KCTD19: variants seen among roughly 807,000 people sequenced by gnomAD.
The protein encoded by KCTD19 is potassium channel tetramerization domain containing 19, also known as BTB/POZ domain-containing protein KCTD19.
Under a neutral mutation model 103.5 loss-of-function variants are expected in KCTD19, and 67 were observed. That is an observed-to-expected ratio of 0.65 (90% CI 0.53 to 0.79). The LOEUF (loss-of-function observed/expected upper bound fraction) is 0.79. Among genes scored for constraint, KCTD19 ranks in the 30% least tolerant of loss-of-function variants. The pLI, the probability that KCTD19 is intolerant of heterozygous loss-of-function variation, is 0.00. For missense variants in KCTD19, 980 were observed against 1,136.1 expected (o/e 0.86, Z 1.98); for synonymous variants, 439 against 452.2 (o/e 0.97, Z 0.37).
intron 9 of KCTD19, 39 bp from the exon 10 acceptor site, chr16:67,295,095 A>G: frequency 1.3e-6 from 2 of 1,595,858 alleles, no homozygotes; most frequent in African/African-American, 1.3e-5. Context: ...GGCAGCTAGG[A>G]TGAGGGTGTG....
chr16:67,290,932 A>C lies in KCTD19; in HGVS notation c.2620T>G (p.Phe874Val). Residue 874 changes from phenylalanine (F) to valine (V), a missense_variant, in exon 15 of 16, where the codon TTC becomes GTC. By Grantham distance (50) the Phe-to-Val change is conservative. Coordinates refer to ENST00000304372, the MANE Select transcript of KCTD19 (RefSeq NM_001100915.3). Reference sequence around the variant, plus strand: ...TCCTGGGTGTGCCGGTCATCCTTGAAGCCGGTGATGGCCAGCAAATCTACC... The same window carrying C: ...TCCTGGGTGTGCCGGTCATCCTTGACGCCGGTGATGGCCAGCAAATCTACC... Reference protein sequence around the residue: ...FVVDLLAITGFKDDRHTQERL... With the variant: ...FVVDLLAITGVKDDRHTQERL... 1 of 1,614,094 alleles carries C rather than the reference A, an allele frequency of 6.2e-7. No homozygotes were observed.
In KCTD19 at chr16:67,323,510, G is replaced by A. The variant is rs375353457; in HGVS notation, c.4-2625C>T. Among the ~76,000 whole-genome samples, 8 of 152,260 alleles carry A rather than the reference G, an allele frequency of 5.3e-5. No individual in the cohort carries two copies. In the East Asian group the frequency reaches 1.5e-3, roughly 29 times the overall value. On this transcript the variant is annotated intron_variant, in intron 1 of 15. Transcript: ENST00000304372. This position sits in a 1 kb window ranked among gnomAD's most constrained non-coding sequence, Gnocchi z 4.1. ...TGCACTCCAGCCTGGGCGTCAGAGT[G>A]AGGCACGTCTCTAAAAAAATAAAAA...
At chr16:67,308,129 C>T (rs1419903294) in intron 2 of KCTD19, among the ~76,000 whole-genome samples, 8 of 150,010 alleles carry the variant, frequency 5.3e-5, no homozygotes, top group Non-Finnish European at 1.5e-5. Context: ...CTTCCTTCCT[C>T]CCTCCCTCCC....
chr16:67,293,641 C>T lies in KCTD19; in HGVS notation c.2121G>A (p.Ala707=), dbSNP rs143567769. The change falls in exon 12 of 16, where the codon GCG becomes GCA. Residue 707 remains alanine, a synonymous_variant. Coordinates refer to ENST00000304372, the MANE Select transcript of KCTD19 (RefSeq NM_001100915.3). This position sits in a 1 kb window ranked among gnomAD's most constrained non-coding sequence, Gnocchi z 4.0. ...AGGTTGGCTCTGGCCCCTTGTCTTT[C>T]GCTCCAGCTCCAGCCCCTGCCTGTG... ...PGPQAGAGAG[A]KDKGPEPTFK... 7.4e-6 allele frequency: 12 copies of T among 1,613,984 alleles called. No individual in the cohort carries two copies. Among genetic ancestry groups the T allele is most frequent in the Non-Finnish European group, 9.3e-6 (11 of 1,180,026 alleles).
intron 1 of KCTD19, among the ~76,000 whole-genome samples, chr16:67,325,170 TTTTC>T (rs965887232): frequency 9.2e-5 from 14 of 151,776 alleles, no homozygotes; most frequent in African/African-American, 2.4e-4. Context: ...TCAGTTCCTC[TTTTC>T]TTTCTTTCTT....
chr16:67,293,779 G>T lies in KCTD19; in HGVS notation c.1983C>A (p.Ser661Arg), dbSNP rs1411390141. The T allele has an allele frequency of 6.2e-6, 10 of 1,613,836 alleles. No individual in the cohort carries two copies. The highest frequency in any genetic ancestry group is 7.6e-6 in the Non-Finnish European group (9 of 1,180,022). The change falls in exon 12 of 16, where the codon AGC becomes AGA. Residue 661 changes from serine to arginine, a missense_variant. Transcript: ENST00000304372. The surrounding 1 kb of genome is among the most constrained non-coding windows in gnomAD (Gnocchi z 4.0). Reference protein sequence around the residue: ...EFQPLTATRSSPLEEATLQLP... With the variant: ...EFQPLTATRSRPLEEATLQLP... ...GCTGCAGGGTGGCCTCCTCCAAGGG[G>T]CTGCTCCGTGTGGCTGTCAGTGGCT...
At position 67,303,114 on chromosome 16, in the gene KCTD19, G is replaced by GC. The variant is rs749889065; in HGVS notation, c.643+31dup. The GC allele has an allele frequency of 7.3e-6, 8 of 1,097,030 alleles. No individual in the cohort carries two copies. Among genetic ancestry groups the GC allele is most frequent in the Non-Finnish European group, 9.0e-6 (7 of 782,086 alleles). The allele number at this position is 1,097,030 out of a possible 1,614,324, so 68.0% of individuals were successfully genotyped here. On this transcript the variant is annotated intron_variant, in intron 4 of 15. Coordinates refer to ENST00000304372, the MANE Select transcript of KCTD19 (RefSeq NM_001100915.3). This position sits in a 1 kb window ranked among gnomAD's most constrained non-coding sequence, Gnocchi z 4.3. ...AGGGGTGAATGGGCCCTATCAGCCC[G>GC]CCCCCCACCCCACCCCGGACAGAGC... is the stretch of plus-strand genomic sequence containing the variant.
rs987226974 is a variant in KCTD19 at position 67,293,105 on chromosome 16, A to T, written c.2218+439T>A. On this transcript the variant is annotated intron_variant, in intron 12 of 15. Coordinates refer to ENST00000304372, the MANE Select transcript of KCTD19 (RefSeq NM_001100915.3). This position sits in a 1 kb window ranked among gnomAD's most constrained non-coding sequence, Gnocchi z 4.0. The stretch of plus-strand genomic sequence containing the variant: ...AATCCTTCAGACGCTGCTCACTCCC[A>T]TCCTGGTCAGAATGGAGTACCACGT... Among the ~76,000 whole-genome samples the T allele has an allele frequency of 4.6e-5, 7 of 152,074 alleles. No individual in the cohort carries two copies. The highest frequency in any genetic ancestry group is 1.7e-4 in the African/African-American group (7 of 41,392).
Position 67,289,460 on chromosome 16 carries a change from T to C in KCTD19, c.*109A>G. On this transcript the variant is annotated 3_prime_UTR_variant, in exon 16 of 16. Coordinates refer to ENST00000304372, the MANE Select transcript of KCTD19 (RefSeq NM_001100915.3). ...GATTTAATCTTTTATTTGTTTATAA[T>C]AAAAAATAGACTGATATGTACCCTC... is the stretch of plus-strand genomic sequence containing the variant. The C allele has an allele frequency of 3.4e-6, 2 of 596,168 alleles. No homozygotes were observed. The highest frequency in any genetic ancestry group is 6.0e-6 in the Non-Finnish European group (2 of 333,736). The allele number at this position is 596,168 out of a possible 1,614,324, so 36.9% of individuals were successfully genotyped here. A position where few individuals can be genotyped will look rare whatever the true frequency, so the allele number is the denominator to read the frequency against.
intron 2 of KCTD19, among the ~76,000 whole-genome samples, chr16:67,314,832 G>GAA (rs2036990379): frequency 1.1e-5 from 1 of 91,430 alleles, no homozygotes; most frequent in African/African-American, 6.4e-5. Flanking sequence ...TATATATATA[G>GAA]AGAGAGAGAG....
rs772964262 is a variant in KCTD19, at chr16:67,294,020, C to T, written c.1742G>A (p.Arg581Lys). Residue 581 changes from arginine to lysine, a missense_variant, in exon 12 of 16, where the codon AGG (arginine) becomes AAG (lysine). Coordinates refer to ENST00000304372, the MANE Select transcript of KCTD19 (RefSeq NM_001100915.3). The part of the protein sequence containing the change: ...IQVSLCRNAK[R>K]AGNPSTYSHC... The stretch of plus-strand genomic sequence containing the variant: ...TGAGTATGTGCTAGGGTTGCCAGCC[C>T]TCTTGGCATTTCGGCATAGGGACAC... 1 of 1,614,186 alleles carries T rather than the reference C, an allele frequency of 6.2e-7. No individual in the cohort carries two copies. Among genetic ancestry groups the T allele is most frequent in the Admixed American group, 1.7e-5 (1 of 60,022 alleles).
intron 2 of KCTD19, among the ~76,000 whole-genome samples, chr16:67,308,679 T>C (rs966532423): frequency 2.2e-5 from 3 of 136,146 alleles, no homozygotes; most frequent in African/African-American, 1.1e-4. Flanking sequence ...CCCCCCACTT[T>C]GTTCCCACAG....
chr16:67,315,480 G>GT (rs1465443720), intron 2 of KCTD19, among the ~76,000 whole-genome samples: 1 of 150,880 alleles, frequency 6.6e-6, no homozygotes, highest in Non-Finnish European at 1.5e-5. Flanking sequence ...TAATTTTTGT[G>GT]TTTTTTTGTT....
rs756453754 is a variant in KCTD19 at position 67,320,653 on chromosome 16, C to T, written c.236G>A (p.Ser79Asn). Residue 79 changes from serine (S) to asparagine (N), a missense_variant, in exon 2 of 16, where the codon AGT (serine) becomes AAT (asparagine). Transcript: ENST00000304372. The surrounding 1 kb of genome is among the most constrained non-coding windows in gnomAD (Gnocchi z 4.0). ...ATACAGCAAGTTCAGTTCTGCACAA[C>T]TGGAGAAGGAGAGTTTGGAGGTGTA... is the stretch of plus-strand genomic sequence containing the variant. ...YLYTSKLSFS[S>N]CAELNLLYEQ... 6.2e-7 allele frequency: 1 copy of T among 1,614,176 alleles called. No homozygotes were observed. The highest frequency in any genetic ancestry group is 1.1e-5 in the South Asian group (1 of 91,084).
chr16:67,294,426 C>T (rs377196735), intron 11 of KCTD19, among the ~76,000 whole-genome samples, 154 bp downstream of exon 11: 16 of 152,346 alleles, frequency 1.1e-4, no homozygotes, highest in East Asian at 7.7e-4. Flanking sequence ...GCCTCCTTCA[C>T]GGTTCAGAAG....
In KCTD19 at chr16:67,303,591, A is replaced by C. The variant is rs957511750; in HGVS notation, c.452-254T>G. Among the ~76,000 whole-genome samples the C allele has an allele frequency of 6.6e-6, 1 of 152,054 alleles. No homozygotes were observed. Among genetic ancestry groups the C allele is most frequent in the African/African-American group, 2.4e-5 (1 of 41,450 alleles). On this transcript the variant is annotated intron_variant, in intron 3 of 15. Transcript: ENST00000304372. This position sits in a 1 kb window ranked among gnomAD's most constrained non-coding sequence, Gnocchi z 4.3. ...GAGATGGAGTCTCACTCTGTTGCCCAGGCTGGAATTCAGTGGTGCCATCTT... is the reference window on the plus strand; with the variant it reads ...GAGATGGAGTCTCACTCTGTTGCCCCGGCTGGAATTCAGTGGTGCCATCTT...
Position 67,317,496 on chromosome 16 carries a change from G to C in KCTD19, c.300+3093C>G, listed in dbSNP as rs58019120. Among the ~76,000 whole-genome samples, 694 of 150,756 alleles carry C rather than the reference G, an allele frequency of 4.6e-3. 5 individuals are homozygous for C. Among genetic ancestry groups the C allele is most frequent in the African/African-American group, 0.016 (640 of 41,220 alleles). ...CTGTCTCCAAAAGAAAAAAAAAAAA[G>C]AAAGAAATGTGACAGTCTGAATCTG... On this transcript the variant is annotated intron_variant, in intron 2 of 15. Coordinates refer to ENST00000304372, the MANE Select transcript of KCTD19 (RefSeq NM_001100915.3).
At position 67,293,509 on chromosome 16, in the gene KCTD19, G is replaced by A. The variant is rs1353871084; in HGVS notation, c.2218+35C>T. 6.3e-7 allele frequency: 1 copy of A among 1,597,618 alleles called. No homozygotes were observed. The highest frequency in any genetic ancestry group is 8.5e-7 in the Non-Finnish European group (1 of 1,170,360). On this transcript the variant is annotated intron_variant, in intron 12 of 15. Coordinates refer to ENST00000304372, the MANE Select transcript of KCTD19 (RefSeq NM_001100915.3). The surrounding 1 kb of genome is among the most constrained non-coding windows in gnomAD (Gnocchi z 4.0). ...CCAAAGAGTTTGCCTTCTCTGTTGTGAATAAGACTTAGATCAAAGGGGGAC... is the reference window on the plus strand; with the variant it reads ...CCAAAGAGTTTGCCTTCTCTGTTGTAAATAAGACTTAGATCAAAGGGGGAC...
At chr16:67,325,207 C>CTTTTTTTTTTTTTTT (rs10695930) in intron 1 of KCTD19, among the ~76,000 whole-genome samples, 1 of 113,174 alleles carries the variant, frequency 8.8e-6, no homozygotes, top group Admixed American at 8.8e-5. Flanking sequence ...TTCTTTTTTT[C>CTTTTTTTTTTTTTTT]TTTTTTTTTT....
Sources: gnomAD v4.1 joint callset for allele counts (sites outside exome capture counted in the v4.1 genomes callset) on GRCh38, gnomAD v4.1.1 for gene constraint, Gnocchi (gnomAD v3.1) non-coding constraint, MANE v1.5 for transcripts, NCBI Gene and HGNC (gene_info 2026-07-23, HGNC 2026-07-21) for gene names.